The following CFAP69 variants were observed in gnomAD, a reference collection of about 807,000 sequenced individuals.
The protein encoded by CFAP69 is cilia- and flagella-associated protein 69.
CFAP69 carries 92 observed loss-of-function variants against 123.0 expected under a neutral mutation model. The observed-to-expected ratio is 0.75, with a 90% confidence interval of 0.63 to 0.89. The LOEUF (loss-of-function observed/expected upper bound fraction) is 0.89. Ranked by LOEUF, CFAP69 falls within the 40% of genes least tolerant of loss-of-function variation. The pLI is 0.00. For synonymous variants in CFAP69, 380 were observed against 364.3 expected (o/e 1.04, Z -0.49); for missense variants, 1,067 against 1,096.9 (o/e 0.97, Z 0.39).
Position 90,274,040 on chromosome 7 carries a change from A to G in CFAP69, c.914A>G (p.Asp305Gly). 3.1e-6 allele frequency: 5 copies of G among 1,607,274 alleles called. No individual in the cohort carries two copies. The highest frequency in any genetic ancestry group is 4.2e-6 in the Non-Finnish European group (5 of 1,177,390). The change falls in exon 9 of 23, where the codon GAC becomes GGC. Residue 305 changes from aspartate to glycine, a missense_variant. Asp to Gly is a moderately conservative substitution (Grantham distance 94, BLOSUM62 -1). Coordinates refer to ENST00000389297, the MANE Select transcript of CFAP69 (RefSeq NM_001039706.3). ...NLFMRGFSHYDRQLRNDILVI... is the reference protein window; with the variant it reads ...NLFMRGFSHYGRQLRNDILVI... ...TTTATGAGAGGTTTCAGTCATTATGACCGTCAGCTTAGAAATGACATATTA... is the reference window on the plus strand; with the variant it reads ...TTTATGAGAGGTTTCAGTCATTATGGCCGTCAGCTTAGAAATGACATATTA...
At position 90,267,618 on chromosome 7, in the gene CFAP69, A is replaced by C. The variant is rs980163143; in HGVS notation, c.434-668A>C. Among the ~76,000 whole-genome samples, 117 of 152,300 alleles carry C rather than the reference A, an allele frequency of 7.7e-4. 1 individual carries two copies. The highest frequency in any genetic ancestry group is 4.4e-4 in the Non-Finnish European group (30 of 68,018). ...TCGCCAACCCCATGCAGACAGCTTG[A>C]ACATAAAACTATTACCCTTGCATGT... On this transcript the variant is annotated intron_variant, in intron 5 of 22. Transcript: ENST00000389297.
chr7:90,258,571 C>G (rs1028392615), intron 3 of CFAP69, among the ~76,000 whole-genome samples: 1 of 151,994 alleles, frequency 6.6e-6, no homozygotes, highest in Middle Eastern at 3.2e-3. Flanking sequence ...TACGGTGGGC[C>G]CACCTGGATA....
intron 3 of CFAP69, among the ~76,000 whole-genome samples, chr7:90,261,081 G>GAT (rs1282256283): frequency 1.5e-5 from 2 of 135,944 alleles, no homozygotes; most frequent in Admixed American, 1.6e-4. Flanking sequence ...GTGCCAATAG[G>GAT]ATTTTTTTTT....
At chr7:90,257,044 G>A (rs1196468295) in intron 2 of CFAP69, among the ~76,000 whole-genome samples, 1 of 152,148 alleles carries the variant, frequency 6.6e-6, no homozygotes, top group Non-Finnish European at 1.5e-5. Flanking sequence ...TTTTAGCTGT[G>A]TATTTTGGAC....
intron 12 of CFAP69, 146 bp from the exon 13 acceptor site, chr7:90,282,746 T>C: frequency 1.8e-6 from 1 of 552,160 alleles, no homozygotes; most frequent in Non-Finnish European, 2.9e-6. Flanking sequence ...GGAAAAGGGA[T>C]AATATTTTAT....
intron 12 of CFAP69, among the ~76,000 whole-genome samples, chr7:90,281,241 C>A (rs1165062916): frequency 1.3e-5 from 2 of 151,950 alleles, no homozygotes; most frequent in African/African-American, 2.4e-5. Context: ...AAATTTAACC[C>A]AGGTTCTATA....
intron 3 of CFAP69, 96 bp from the exon 4 acceptor site, chr7:90,261,851 T>C (rs554596672): frequency 3.3e-6 from 2 of 600,440 alleles, no homozygotes; most frequent in Non-Finnish European, 2.6e-6. Context: ...GGCAAAATAG[T>C]TGGAATTCTA....
rs1369075597 is a variant in CFAP69 at position 90,273,986 on chromosome 7, G to A, written c.861-1G>A. The A allele has an allele frequency of 6.3e-7, 1 of 1,583,340 alleles. No individual in the cohort carries two copies. Among genetic ancestry groups the A allele is most frequent in the South Asian group, 1.2e-5 (1 of 85,616 alleles). On this transcript the variant is annotated splice_acceptor_variant, in intron 8 of 22. Coordinates refer to ENST00000389297, the MANE Select transcript of CFAP69 (RefSeq NM_001039706.3). LOFTEE classifies it high-confidence loss of function. The stretch of plus-strand genomic sequence containing the variant: ...TTTTAAAATATGATTTTACTTTCTA[G>A]GGCTTTGAAGGAAGTATTTAAAAAT...
downstream of CFAP69, among the ~76,000 whole-genome samples, chr7:90,316,005 A>T (rs1383341166): frequency 6.6e-6 from 1 of 152,152 alleles, no homozygotes; most frequent in Non-Finnish European, 1.5e-5. Context: ...GAGGCAGGAG[A>T]GTCACTTGAA....
intron 3 of CFAP69, among the ~76,000 whole-genome samples, chr7:90,260,115 T>C (rs1473414445): frequency 1.3e-5 from 2 of 152,138 alleles, no homozygotes; most frequent in Non-Finnish European, 2.9e-5. Context: ...CTATCATTAG[T>C]GTTTGAGTAT....
chr7:90,300,278 T>A, intron 17 of CFAP69: 1 of 927,500 alleles, frequency 1.1e-6, no homozygotes, highest in Non-Finnish European at 1.3e-6. Context: ...TAAGAAATGG[T>A]ATTTAATTAT....
At chr7:90,300,528 T>TA in intron 17 of CFAP69, 2 of 662,412 alleles carry the variant, frequency 3.0e-6, no homozygotes, top group Non-Finnish European at 3.7e-6. Context: ...GTTTCCTAAA[T>TA]AAAAATAGTC....
At position 90,282,964 on chromosome 7, in the gene CFAP69, A is replaced by T; in HGVS notation, c.1445A>T (p.Tyr482Phe). The T allele has an allele frequency of 6.2e-7, 1 of 1,600,294 alleles. No individual in the cohort carries two copies. The highest frequency in any genetic ancestry group is 1.1e-5 in the South Asian group (1 of 88,742). The change falls in exon 13 of 23, where the codon TAC (tyrosine) becomes TTC (phenylalanine). Residue 482 changes from tyrosine (Y) to phenylalanine (F), a missense_variant. Transcript: ENST00000389297. ...GGCAACAAGTTTGCCCAGATGCGTT[A>T]CAGTTTAAGACTCCTGAGAGCCGTG... ...GRGNKFAQMR[Y>F]SLRLLRAVVY...
intron 13 of CFAP69, among the ~76,000 whole-genome samples, chr7:90,285,947 A>G (rs1373375168): frequency 1.3e-5 from 2 of 152,206 alleles, no homozygotes; most frequent in Non-Finnish European, 2.9e-5. Context: ...CCAGGAATTC[A>G]TTTATCATCT....
At position 90,262,944 on chromosome 7, in the gene CFAP69, T is replaced by C. The variant is rs548539219; in HGVS notation, c.356+888T>C. On this transcript the variant is annotated intron_variant, in intron 4 of 22. Coordinates refer to ENST00000389297, the MANE Select transcript of CFAP69 (RefSeq NM_001039706.3). Reference sequence around the variant, plus strand: ...ACCAAAATAATATATTGAATGCCTATACCATGCCTTGCTTTTTAATAGACA... The same window carrying C: ...ACCAAAATAATATATTGAATGCCTACACCATGCCTTGCTTTTTAATAGACA... 2.2e-3 allele frequency among the ~76,000 whole-genome samples: 330 copies of C among 152,246 alleles called. 1 individual carries two copies. Among genetic ancestry groups the C allele is most frequent in the Admixed American group, 3.9e-3 (60 of 15,302 alleles).
Position 90,274,105 on chromosome 7 carries a change from A to T in CFAP69, c.979A>T (p.Met327Leu), listed in dbSNP as rs772983353. The T allele has an allele frequency of 5.6e-6, 9 of 1,593,760 alleles. No homozygotes were observed. The African/African-American group carries it at 1.2e-4, about 22-fold the overall frequency. ...TIIAQNPEAP[M>L]IECGFTKDLI... Reference sequence around the variant, plus strand: ...TATAGCTCAAAATCCTGAAGCACCAATGATTGTAAGTATGAATCAAATTGC... The same window carrying T: ...TATAGCTCAAAATCCTGAAGCACCATTGATTGTAAGTATGAATCAAATTGC... The change falls in exon 9 of 23, where the codon ATG becomes TTG. Residue 327 changes from methionine to leucine, a missense_variant. Coordinates refer to ENST00000389297, the MANE Select transcript of CFAP69 (RefSeq NM_001039706.3).
intron 5 of CFAP69, among the ~76,000 whole-genome samples, chr7:90,267,416 G>T (rs1333686868): frequency 6.6e-6 from 1 of 152,016 alleles, no homozygotes; most frequent in East Asian, 1.9e-4. Flanking sequence ...ACTGACTACC[G>T]CTGTCCTTGG....
At chr7:90,308,213 A>C (rs368117406) in intron 21 of CFAP69, among the ~76,000 whole-genome samples, 1 of 152,142 alleles carries the variant, frequency 6.6e-6, no homozygotes, top group African/African-American at 2.4e-5. Flanking sequence ...CACAAAGAGC[A>C]ACTATCTTGT....
chr7:90,312,131 A>G (rs1584577161), downstream of CFAP69, among the ~76,000 whole-genome samples: 1 of 152,348 alleles, frequency 6.6e-6, no homozygotes, highest in South Asian at 2.1e-4. Flanking sequence ...AAATTATTAG[A>G]TAATGTGATG....
Sources: gnomAD v4.1 joint callset for allele counts (sites outside exome capture counted in the v4.1 genomes callset) on GRCh38, gnomAD v4.1.1 for gene constraint, MANE v1.5 for transcripts, NCBI Gene and HGNC (gene_info 2026-07-23, HGNC 2026-07-21) for gene names.